GAS7: variants seen among roughly 807,000 people sequenced by gnomAD.
GAS7 encodes the protein growth arrest specific 7, also known as growth arrest-specific protein 7.
GAS7 carries 28 observed loss-of-function variants against 71.1 expected under a neutral mutation model. That is an observed-to-expected ratio of 0.39 (90% CI 0.29 to 0.54). The LOEUF (loss-of-function observed/expected upper bound fraction) is 0.54, where lower values mean the gene tolerates loss of function less well. GAS7 is among the 20% of genes least tolerant of loss of function. The probability of loss-of-function intolerance (pLI) is 0.62; values close to 1 mark genes in which losing one functional copy is unlikely to be tolerated. For synonymous variants in GAS7, 258 were observed against 245.8 expected, an observed-to-expected ratio of 1.05 and a Z score of -0.46; for missense variants, 436 against 627.8, an observed-to-expected ratio of 0.69 and a Z score of 3.27.
At chr17:9,924,094 ATGG>A (rs1341764116) in intron 11 of GAS7, among the ~76,000 whole-genome samples, 3 of 152,236 alleles carry the variant, frequency 2.0e-5, no homozygotes, top group African/African-American at 7.2e-5. Flanking sequence ...CTAGGAAGAG[ATGG>A]TGATTATTTC....
chr17:10,074,596 G>A (rs1196454603), intron 1 of GAS7, among the ~76,000 whole-genome samples: 2 of 152,128 alleles, frequency 1.3e-5, no homozygotes, highest in Non-Finnish European at 2.9e-5. Context: ...TGACTCAAGA[G>A]GAAATAGAAA....
chr17:9,938,670 ATGTC>A (rs2152088406), intron 8 of GAS7, among the ~76,000 whole-genome samples: 1 of 151,702 alleles, frequency 6.6e-6, no homozygotes, highest in African/African-American at 2.4e-5. Context: ...GAGAAAATAA[ATGTC>A]TGTAGTTTCA....
At chr17:9,968,340 C>T (rs2069808776) in intron 4 of GAS7, among the ~76,000 whole-genome samples, 1 of 152,174 alleles carries the variant, frequency 6.6e-6, no homozygotes, top group Admixed American at 6.5e-5. Flanking sequence ...CCTACAGCAT[C>T]AGCGTCACCT....
intron 1 of GAS7, among the ~76,000 whole-genome samples, chr17:10,086,221 T>C (rs1046898992): frequency 1.3e-5 from 2 of 152,206 alleles, no homozygotes; most frequent in Admixed American, 1.3e-4. Context: ...GAATACATGT[T>C]CGTGTTCCCA....
At chr17:10,162,302 G>C (rs1332167185) in intron 1 of GAS7, among the ~76,000 whole-genome samples, 1 of 152,132 alleles carries the variant, frequency 6.6e-6, no homozygotes, top group Non-Finnish European at 1.5e-5. Context: ...GCTTATTTCA[G>C]GGGGAAAAAC....
At chr17:10,071,020 T>G (rs2073334878) in intron 1 of GAS7, among the ~76,000 whole-genome samples, 1 of 151,920 alleles carries the variant, frequency 6.6e-6, no homozygotes, top group Non-Finnish European at 1.5e-5. Context: ...CCTGTCTGAC[T>G]CCTACACAAT....
chr17:10,067,504 T>G (rs777722865), intron 1 of GAS7, among the ~76,000 whole-genome samples: 1 of 151,964 alleles, frequency 6.6e-6, no homozygotes, highest in Non-Finnish European at 1.5e-5. Flanking sequence ...CCTCCCAAAG[T>G]GCTGGGATTA....
chr17:10,017,129 TAAAA>T (rs1006847614), intron 2 of GAS7, among the ~76,000 whole-genome samples: 44 of 122,106 alleles, frequency 3.6e-4, no homozygotes, highest in African/African-American at 1.3e-3. Flanking sequence ...AGACCCTGTC[TAAAA>T]AAATAAATAA....
intron 1 of GAS7, among the ~76,000 whole-genome samples, chr17:10,020,965 C>T (rs2072243870): frequency 6.6e-6 from 1 of 151,968 alleles, no homozygotes; most frequent in Admixed American, 6.6e-5. Flanking sequence ...AGCCACGATC[C>T]CTGGGTGCTG....
intron 1 of GAS7, among the ~76,000 whole-genome samples, chr17:10,169,920 C>G (rs1255556371): frequency 1.3e-5 from 2 of 152,168 alleles, no homozygotes; most frequent in Admixed American, 1.3e-4. Context: ...CGTTCCTCAC[C>G]TTCTCATTTC....
At chr17:9,953,726 G>T (rs2069111034) in intron 5 of GAS7, among the ~76,000 whole-genome samples, 1 of 152,242 alleles carries the variant, frequency 6.6e-6, no homozygotes, top group Admixed American at 6.5e-5. Context: ...TTCCCAGCAA[G>T]CTGCATGCAT....
At chr17:10,135,340 T>C (rs1487502485) in intron 1 of GAS7, among the ~76,000 whole-genome samples, 1 of 152,168 alleles carries the variant, frequency 6.6e-6, no homozygotes, top group East Asian at 1.9e-4. Context: ...TTAGCTAGTC[T>C]TCAATTTGGC....
At chr17:10,178,199 C>A (rs1388241159) in intron 1 of GAS7, among the ~76,000 whole-genome samples, 2 of 152,182 alleles carry the variant, frequency 1.3e-5, no homozygotes, top group Admixed American at 6.5e-5. Context: ...TCCAGGCAAG[C>A]TCAGCTCCCC....
At chr17:10,040,342 G>C (rs1286295010) in intron 1 of GAS7, among the ~76,000 whole-genome samples, 1 of 152,150 alleles carries the variant, frequency 6.6e-6, no homozygotes, top group Non-Finnish European at 1.5e-5. Context: ...AAGAGGCATG[G>C]GAGGTGAGAA....
In GAS7 at chr17:10,140,872, C is replaced by T. The variant is rs570078354; in HGVS notation, c.183+57336G>A. On this transcript the variant is annotated intron_variant, in intron 1 of 13. Transcript: ENST00000432992. ...ACAAAAAGAGTCACTTGTATGTGCA[C>T]AACACTGCAGATACAAATGCTAAAG... Among the ~76,000 whole-genome samples, 15 of 152,340 alleles carry T rather than the reference C, an allele frequency of 9.8e-5. 1 individual carries two copies. The South Asian group carries it at 3.1e-3, about 32-fold the overall frequency.
chr17:9,993,497 C>T (rs35434708), intron 2 of GAS7, among the ~76,000 whole-genome samples: 52,407 of 151,796 alleles, frequency 0.35, 9,447 homozygotes, highest in African/African-American at 0.41. Context: ...TGCTAGAAAC[C>T]CTCAATAAAT....
intron 1 of GAS7, among the ~76,000 whole-genome samples, chr17:10,182,738 G>C (rs746810613): frequency 1.3e-5 from 2 of 152,206 alleles, no homozygotes; most frequent in Admixed American, 1.3e-4. Context: ...ACCATCTGCA[G>C]TGTACAGCCC....
At chr17:10,075,114 T>C (rs2073377107) in intron 1 of GAS7, among the ~76,000 whole-genome samples, 1 of 152,064 alleles carries the variant, frequency 6.6e-6, no homozygotes, top group Admixed American at 6.5e-5. Flanking sequence ...TCCCAGCACT[T>C]TAGGAGGCTG....
Position 9,926,656 on chromosome 17 carries a change from A to T in GAS7, c.999T>A (p.Tyr333Ter). Residue 333 changes from tyrosine (Y) to a stop codon, truncating the protein, a stop_gained, in exon 10 of 14, where the codon TAT (tyrosine) becomes TAA (stop). Transcript: ENST00000432992. LOFTEE classifies it high-confidence loss of function. This position sits in a 1 kb window ranked among gnomAD's most constrained non-coding sequence, Gnocchi z 5.0. ...ADLRKQLASR[Y>*]ASVEKARKAL... ...GGCCTCTCACCTTCTCCACCGAGGC[A>T]TAGCGGCTGGCGAGCTGCTTGCGAA... 6.2e-7 allele frequency: 1 copy of T among 1,613,754 alleles called. No homozygotes were observed. Among genetic ancestry groups the T allele is most frequent in the Non-Finnish European group, 8.5e-7 (1 of 1,180,028 alleles).
Sources: gnomAD v4.1 joint callset for allele counts (sites outside exome capture counted in the v4.1 genomes callset) on GRCh38, gnomAD v4.1.1 for gene constraint, Gnocchi (gnomAD v3.1) non-coding constraint, MANE v1.5 for transcripts, NCBI Gene and HGNC (gene_info 2026-07-23, HGNC 2026-07-21) for gene names.